FYB1: variants seen among roughly 807,000 people sequenced by gnomAD.
FYB1 encodes the protein FYN-binding protein 1.
In FYB1, 41 loss-of-function variants were observed where a neutral mutation model predicts 94.1. That is an observed-to-expected ratio of 0.44 (90% CI 0.34 to 0.57). FYB1 has a LOEUF of 0.57. FYB1 is among the 20% of genes least tolerant of loss of function. FYB1 has a pLI of 0.02. For synonymous variants in FYB1, 367 were observed against 353.2 expected (o/e 1.04, Z -0.44); for missense variants, 1,050 against 976.8 (o/e 1.07, Z -1.00).
intron 3 of FYB1, among the ~76,000 whole-genome samples, chr5:39,146,814 C>T (rs1487246891): frequency 6.6e-6 from 1 of 151,720 alleles, no homozygotes; most frequent in Non-Finnish European, 1.5e-5. Context: ...TTATATAGGC[C>T]TGAATTTATA....
chr5:39,128,508 G>C (rs1466800319), intron 10 of FYB1, among the ~76,000 whole-genome samples: 3 of 152,090 alleles, frequency 2.0e-5, no homozygotes, highest in African/African-American at 7.2e-5. Flanking sequence ...TTGAACTACA[G>C]TCAAGGTGAC....
At chr5:39,130,954 C>T (rs143699611) in intron 9 of FYB1, among the ~76,000 whole-genome samples, 2 of 152,030 alleles carry the variant, frequency 1.3e-5, no homozygotes, top group Admixed American at 1.3e-4. Flanking sequence ...AAACAAGCCC[C>T]AAGGGTATTA....
intron 2 of FYB1, among the ~76,000 whole-genome samples, chr5:39,190,543 C>A (rs564548211): frequency 6.6e-6 from 1 of 152,292 alleles, no homozygotes; most frequent in African/African-American, 2.4e-5. Context: ...CAACTAATTT[C>A]TCCCCATGAG....
At chr5:39,126,295 T>G (rs924185823) in intron 11 of FYB1, among the ~76,000 whole-genome samples, 160 bp from the exon 12 acceptor site, 1 of 152,032 alleles carries the variant, frequency 6.6e-6, no homozygotes, top group Non-Finnish European at 1.5e-5. Context: ...GTTATTAAAT[T>G]TACAGATCAT....
chr5:39,185,011 C>T (rs756096897), intron 2 of FYB1, among the ~76,000 whole-genome samples: 2 of 152,054 alleles, frequency 1.3e-5, no homozygotes, highest in South Asian at 2.1e-4. Context: ...ACAATTTTGA[C>T]CCAGCTTTAG....
intron 1 of FYB1, among the ~76,000 whole-genome samples, chr5:39,272,186 AC>A (rs1233336866): frequency 6.6e-6 from 1 of 152,154 alleles, no homozygotes; most frequent in Non-Finnish European, 1.5e-5. Context: ...TTCAAAGCTC[AC>A]CATGTGATTC....
chr5:39,193,838 C>T (rs888047286), intron 2 of FYB1, among the ~76,000 whole-genome samples: 9 of 152,230 alleles, frequency 5.9e-5, no homozygotes, highest in Middle Eastern at 3.4e-3. Flanking sequence ...ACCCTGGAGA[C>T]GAGCACAGCT....
intron 14 of FYB1, among the ~76,000 whole-genome samples, chr5:39,121,026 C>T (rs1027173801): frequency 3.3e-5 from 5 of 151,796 alleles, no homozygotes; most frequent in African/African-American, 1.2e-4. Flanking sequence ...CACAAACTTG[C>T]TTTAAACTCT....
intron 2 of FYB1, among the ~76,000 whole-genome samples, chr5:39,171,628 AG>A (rs1745257068): frequency 2.6e-5 from 4 of 152,344 alleles, no homozygotes; most frequent in African/African-American, 9.6e-5. Flanking sequence ...TAACTTCAGA[AG>A]TTATTGCACT....
In FYB1 at chr5:39,139,217, GA is replaced by G. The variant is rs751446137; in HGVS notation, c.1359+15del. 6 of 1,455,952 alleles carry G rather than the reference GA, an allele frequency of 4.1e-6. No homozygotes were observed. The South Asian group carries it at 7.8e-5, about 19-fold the overall frequency. 90.2% of individuals were successfully genotyped at this position (1,455,952 alleles called of 1,614,324 possible). A position where few individuals can be genotyped will look rare whatever the true frequency, so the allele number is the denominator to read the frequency against. On this transcript the variant is annotated intron_variant, in intron 5 of 18. Transcript: ENST00000512982. Reference sequence around the variant, plus strand: ...TGATTATGTCAATATAATATGAGAAGAGAAAAAAATCTGACCTCATCTAGAT... The same window carrying G: ...TGATTATGTCAATATAATATGAGAAGGAAAAAAATCTGACCTCATCTAGAT...
intron 16 of FYB1, among the ~76,000 whole-genome samples, chr5:39,113,545 C>G (rs1183369780): frequency 6.6e-6 from 1 of 152,094 alleles, no homozygotes; most frequent in Non-Finnish European, 1.5e-5. Flanking sequence ...TGCTACAGTG[C>G]AGATGTGTCT....
chr5:39,197,398 GC>G (rs1747928250), intron 2 of FYB1, among the ~76,000 whole-genome samples: 1 of 152,114 alleles, frequency 6.6e-6, no homozygotes, highest in African/African-American at 2.4e-5. Flanking sequence ...GAAAATTCAT[GC>G]CTAGTCAGGT....
intron 2 of FYB1, among the ~76,000 whole-genome samples, chr5:39,200,102 G>C (rs1163439451): frequency 6.6e-6 from 1 of 152,208 alleles, no homozygotes; most frequent in Non-Finnish European, 1.5e-5. Flanking sequence ...AATGTGAACT[G>C]TGGCATGGGC....
intron 1 of FYB1, among the ~76,000 whole-genome samples, chr5:39,229,124 G>A (rs78900887): frequency 0.011 from 1,674 of 152,150 alleles, 29 homozygotes; most frequent in African/African-American, 0.038. Flanking sequence ...ATGGGACTGG[G>A]GCTATCAAAA....
intron 16 of FYB1, among the ~76,000 whole-genome samples, chr5:39,112,712 TAGAG>T (rs1459161199): frequency 6.6e-6 from 1 of 152,092 alleles, no homozygotes; most frequent in Non-Finnish European, 1.5e-5. Context: ...TCATTCATGA[TAGAG>T]AGCTTAATAC....
intron 12 of FYB1, 169 bp from the exon 13 acceptor site, chr5:39,124,447 T>G (rs962390236): frequency 2.0e-6 from 1 of 492,434 alleles, no homozygotes; most frequent in East Asian, 3.6e-5. Flanking sequence ...AGTCCATTTC[T>G]GTTTATCAAT....
At position 39,105,832 on chromosome 5, in the gene FYB1, T is replaced by C. The variant is rs1251992414; in HGVS notation, c.*1611A>G. The C allele has an allele frequency of 6.6e-6, 1 of 152,118 alleles. No homozygotes were observed. The highest frequency in any genetic ancestry group is 1.9e-4 in the East Asian group (1 of 5,200). The allele number at this position is 152,118 out of a possible 1,614,324, so 9.4% of individuals were successfully genotyped here. ...TAAAATATTTCATAATTGGAGGGAA[T>C]CTTTGGAGATTAGTGGCATCTAATC... On this transcript the variant is annotated 3_prime_UTR_variant, in exon 19 of 19. Coordinates refer to ENST00000512982, the MANE Select transcript of FYB1 (RefSeq NM_001465.6).
chr5:39,150,872 T>G (rs914961304), intron 3 of FYB1, among the ~76,000 whole-genome samples: 20 of 152,336 alleles, frequency 1.3e-4, no homozygotes, highest in African/African-American at 4.8e-4. Flanking sequence ...CTTCTCAGCA[T>G]AGCCATTAAG....
intron 3 of FYB1, among the ~76,000 whole-genome samples, chr5:39,145,972 G>A (rs1742613637): frequency 6.6e-6 from 1 of 151,312 alleles, no homozygotes; most frequent in African/African-American, 2.4e-5. Context: ...GAGTGCAGTG[G>A]TGCAAACGTG....
Sources: allele counts gnomAD v4.1 joint callset (sites outside exome capture counted in the v4.1 genomes callset), GRCh38; gene constraint gnomAD v4.1.1; transcripts MANE v1.5; gene names NCBI Gene and HGNC (gene_info 2026-07-23, HGNC 2026-07-21).